CACNA1I: variants seen among roughly 807,000 people sequenced by gnomAD.
CACNA1I encodes voltage-dependent T-type calcium channel subunit alpha-1I.
In CACNA1I, 74 loss-of-function variants were observed where a neutral mutation model predicts 201.6. That is an observed-to-expected ratio of 0.37 (90% CI 0.30 to 0.45). The LOEUF (loss-of-function observed/expected upper bound fraction) is 0.45. CACNA1I is among the 20% of genes least tolerant of loss of function. The pLI is 1.00. For synonymous variants in CACNA1I, 1,431 were observed against 1,345.2 expected (o/e 1.06, Z -1.40); for missense variants, 2,346 against 3,138.1 (o/e 0.75, Z 6.03).
At chr22:39,588,449 G>A (rs1317514103) in intron 1 of CACNA1I, among the ~76,000 whole-genome samples, 1 of 147,320 alleles carries the variant, frequency 6.8e-6, no homozygotes, top group Non-Finnish European at 1.5e-5. Context: ...GCAGTGGCGT[G>A]ATCTCGGCTC....
intron 5 of CACNA1I, among the ~76,000 whole-genome samples, chr22:39,637,198 A>T (rs1298422766): frequency 6.6e-6 from 1 of 152,136 alleles, no homozygotes; most frequent in African/African-American, 2.4e-5. Flanking sequence ...GTTGAAAATT[A>T]GGCCTCAGGA....
chr22:39,650,162 G>A (rs970369388), intron 10 of CACNA1I, among the ~76,000 whole-genome samples: 1 of 152,070 alleles, frequency 6.6e-6, no homozygotes, highest in Non-Finnish European at 1.5e-5. Context: ...GAGTGAAGCT[G>A]GCTAGGACTG....
chr22:39,656,649 T>C, intron 10 of CACNA1I: 1 of 518,224 alleles, frequency 1.9e-6, no homozygotes, highest in Admixed American at 1.9e-5. Flanking sequence ...CAGGAATGAA[T>C]GAATGAATGA....
chr22:39,580,247 T>C (rs1932504823), intron 1 of CACNA1I, among the ~76,000 whole-genome samples: 1 of 152,180 alleles, frequency 6.6e-6, no homozygotes, highest in South Asian at 2.1e-4. Flanking sequence ...CAGCAACACA[T>C]GTCTGGGAAA....
rs1346844272 is a variant in CACNA1I at position 39,686,218 on chromosome 22, C to T, written c.6485C>T (p.Pro2162Leu). The T allele has an allele frequency of 3.2e-6, 4 of 1,246,270 alleles. No homozygotes were observed. In the African/African-American group the frequency reaches 4.7e-5, roughly 15 times the overall value. 77.2% of individuals were successfully genotyped at this position (1,246,270 alleles called of 1,614,324 possible). A position where few individuals can be genotyped will look rare whatever the true frequency, so the allele number is the denominator to read the frequency against. The change falls in exon 37 of 37, where the codon CCC (proline) becomes CTC (leucine). Residue 2162 changes from proline (P) to leucine (L), a missense_variant. Physicochemically the swap from Pro to Leu is moderately conservative, Grantham distance 98. This residue lies in a region of CACNA1I where 187 missense variants were observed against 151.0 expected (regional missense o/e 1.24). Transcript: ENST00000402142. ...AGCAGCACCAGCAGCCTGGCCGCCC[C>T]CGGCCGCCCCCACGCCGCCGCCCTG... ...KFSSTSSLAA[P>L]GRPHAAALAH...
intron 1 of CACNA1I, among the ~76,000 whole-genome samples, chr22:39,571,864 A>T (rs1272742368): frequency 6.6e-6 from 1 of 152,256 alleles, no homozygotes; most frequent in Non-Finnish European, 1.5e-5. Flanking sequence ...TGGGGACCCT[A>T]GCACCTGGCA....
intron 4 of CACNA1I, among the ~76,000 whole-genome samples, chr22:39,628,471 C>T (rs572713353): frequency 2.6e-5 from 4 of 152,124 alleles, no homozygotes; most frequent in South Asian, 4.2e-4. Context: ...GACAGCCGGG[C>T]CAGCCCCCGA....
intron 4 of CACNA1I, among the ~76,000 whole-genome samples, chr22:39,621,630 C>T (rs1358612022): frequency 6.6e-6 from 1 of 152,144 alleles, no homozygotes; most frequent in East Asian, 1.9e-4. Flanking sequence ...GGGTAGGGCA[C>T]AGAGGGGGCC....
At position 39,685,822 on chromosome 22, in the gene CACNA1I, C is replaced by G. The variant is rs1241926149; in HGVS notation, c.6089C>G (p.Thr2030Ser). 1 of 1,496,664 alleles carries G rather than the reference C, an allele frequency of 6.7e-7. No homozygotes were observed. The highest frequency in any genetic ancestry group is 8.8e-7 in the Non-Finnish European group (1 of 1,130,670). The allele number at this position is 1,496,664 out of a possible 1,614,324, so 92.7% of individuals were successfully genotyped here. The change falls in exon 37 of 37, where the codon ACC (threonine) becomes AGC (serine). Residue 2030 changes from threonine to serine, a missense_variant. Physicochemically the swap from Thr to Ser is moderately conservative, Grantham distance 58 (BLOSUM62 1). Around this residue, in one of 13 missense-constraint regions of CACNA1I, gnomAD observed 441 missense variants for 555.6 expected, o/e 0.79. Coordinates refer to ENST00000402142, the MANE Select transcript of CACNA1I (RefSeq NM_021096.4). The surrounding 1 kb of genome is among the most constrained non-coding windows in gnomAD (Gnocchi z 5.0). ...SPSSSAGSLQ[T>S]TLEDSLTLSD... The stretch of plus-strand genomic sequence containing the variant: ...AGCAGCTCCGCGGGCAGCCTGCAGA[C>G]CACGCTCGAGGACAGCCTGACCCTG...
intron 4 of CACNA1I, among the ~76,000 whole-genome samples, chr22:39,627,488 G>A (rs937733069): frequency 7.9e-5 from 12 of 152,186 alleles, no homozygotes; most frequent in African/African-American, 1.9e-4. Context: ...AGTGCACAGC[G>A]GGTGCCAACC....
intron 1 of CACNA1I, among the ~76,000 whole-genome samples, chr22:39,594,026 G>A (rs1932851994): frequency 6.6e-6 from 1 of 152,156 alleles, no homozygotes; most frequent in Non-Finnish European, 1.5e-5. Context: ...CTGAAGATGG[G>A]CTGAGAGGCC....
At chr22:39,651,247 G>C (rs1025390254) in intron 10 of CACNA1I, among the ~76,000 whole-genome samples, 2 of 152,178 alleles carry the variant, frequency 1.3e-5, no homozygotes, top group Non-Finnish European at 2.9e-5. Flanking sequence ...TTGGGATTTC[G>C]ACATTCTGTT....
At chr22:39,602,727 A>G (rs1381785858) in intron 3 of CACNA1I, among the ~76,000 whole-genome samples, 1 of 152,270 alleles carries the variant, frequency 6.6e-6, no homozygotes, top group East Asian at 1.9e-4. Flanking sequence ...TGAGTCCAGT[A>G]CAGATCTGGT....
rs545029696 is a variant in CACNA1I at position 39,677,837 on chromosome 22, G to A, written c.4934-150G>A. The A allele has an allele frequency of 1.1e-4, 96 of 843,628 alleles. No individual in the cohort carries two copies. The highest frequency in any genetic ancestry group is 1.6e-4 in the Non-Finnish European group (89 of 564,168). 52.3% of individuals were successfully genotyped at this position (843,628 alleles called of 1,614,324 possible). On this transcript the variant is annotated intron_variant, in intron 30 of 36. Coordinates refer to ENST00000402142, the MANE Select transcript of CACNA1I (RefSeq NM_021096.4). This position sits in a 1 kb window ranked among gnomAD's most constrained non-coding sequence, Gnocchi z 4.8. Reference sequence around the variant, plus strand: ...GCCCCAGCTCATGTGCCATCTCCCCGAGCCTCAGTTTATCTGTGGGCTGGG... The same window carrying A: ...GCCCCAGCTCATGTGCCATCTCCCCAAGCCTCAGTTTATCTGTGGGCTGGG...
In CACNA1I at chr22:39,570,764, C is replaced by T. The variant is rs373610014; in HGVS notation, c.12C>T (p.Ser4=). 1.7e-5 allele frequency: 27 copies of T among 1,601,382 alleles called. No individual in the cohort carries two copies. The highest frequency in any genetic ancestry group is 1.3e-4 in the African/African-American group (10 of 74,626). The change falls in exon 1 of 37, where the codon AGC becomes AGT. Residue 4 remains serine (S), a synonymous_variant. Coordinates refer to ENST00000402142, the MANE Select transcript of CACNA1I (RefSeq NM_021096.4). MAE[S]ASPPSSSAAA... ...AGCTCAGTGTGGACATGGCTGAGAG[C>T]GCCTCCCCGCCCTCCTCATCTGCAG...
intron 3 of CACNA1I, among the ~76,000 whole-genome samples, chr22:39,607,995 C>G (rs1933269137): frequency 6.6e-6 from 1 of 151,690 alleles, no homozygotes; most frequent in Non-Finnish European, 1.5e-5. Context: ...TGGCAGACAC[C>G]TGTAATCCCA....
At chr22:39,642,717 C>T in intron 6 of CACNA1I, 80 bp from the exon 7 acceptor site, 2 of 902,808 alleles carry the variant, frequency 2.2e-6, no homozygotes, top group East Asian at 2.6e-5. Flanking sequence ...CACAGTGGGG[C>T]CTCTGTCTGG....
chr22:39,578,158 TGTAA>T (rs1415596759), intron 1 of CACNA1I, among the ~76,000 whole-genome samples: 3 of 152,006 alleles, frequency 2.0e-5, no homozygotes, highest in African/African-American at 4.8e-5. Flanking sequence ...CCTGGAGAGC[TGTAA>T]GTGTGTTGGG....
In CACNA1I at chr22:39,664,079, C is replaced by T. The variant is rs1302053581; in HGVS notation, c.3598-12C>T. ...GAGCCCCTGAGCCTATGGTATCTCC[C>T]GATGCTTTCAGGAACGCATCTTTCT... On this transcript the variant is annotated splice_polypyrimidine_tract_variant and intron_variant, in intron 19 of 36. Coordinates refer to ENST00000402142, the MANE Select transcript of CACNA1I (RefSeq NM_021096.4). 4.3e-6 allele frequency: 7 copies of T among 1,612,204 alleles called. No individual in the cohort carries two copies. The highest frequency in any genetic ancestry group is 1.7e-4 in the Middle Eastern group (1 of 6,056).
Sources: gnomAD v4.1 joint callset for allele counts (sites outside exome capture counted in the v4.1 genomes callset) on GRCh38, gnomAD v4.1.1 for gene constraint, gnomAD v4.1.1 regional missense constraint, Gnocchi (gnomAD v3.1) non-coding constraint, MANE v1.5 for transcripts, NCBI Gene and HGNC (gene_info 2026-07-23, HGNC 2026-07-21) for gene names.